GRM5: variants seen among roughly 807,000 people sequenced by gnomAD.
The protein encoded by GRM5 is metabotropic glutamate receptor 5.
Under a neutral mutation model 83.1 loss-of-function variants are expected in GRM5, and 19 were observed. The ratio of observed to expected loss-of-function variants is 0.23; its 90% confidence interval spans 0.16 to 0.34. The LOEUF is 0.34. Among genes scored for constraint, GRM5 ranks in the 10% least tolerant of loss-of-function variants. GRM5 has a pLI of 1.00. For synonymous variants in GRM5, 675 were observed against 633.6 expected (o/e 1.07, Z -0.98); for missense variants, 1,160 against 1,588.3 (o/e 0.73, Z 4.58).
chr11:88,608,375 A>G (rs1405164001), intron 4 of GRM5, among the ~76,000 whole-genome samples: 1 of 151,776 alleles, frequency 6.6e-6, no homozygotes, highest in African/African-American at 2.4e-5. Context: ...ACCTCCCCCC[A>G]CCAACACTCC....
At chr11:88,628,598 T>A (rs896686931) in intron 4 of GRM5, among the ~76,000 whole-genome samples, 18 of 152,178 alleles carry the variant, frequency 1.2e-4, no homozygotes, top group Non-Finnish European at 4.4e-5. Flanking sequence ...ATCACTATGG[T>A]AACAGATGGA....
intron 3 of GRM5, among the ~76,000 whole-genome samples, chr11:88,751,639 A>G (rs993525703): frequency 6.6e-6 from 1 of 152,190 alleles, no homozygotes; most frequent in Non-Finnish European, 1.5e-5. Flanking sequence ...AAAACCTGGC[A>G]GAGATACAAC....
intron 2 of GRM5, among the ~76,000 whole-genome samples, chr11:89,040,653 A>G (rs3889773): frequency 0.04 from 6,066 of 152,248 alleles, 413 homozygotes; most frequent in African/African-American, 0.13. Context: ...GTGATCTATG[A>G]CCATGCCACT....
At chr11:88,861,116 C>T (rs1944555032) in intron 2 of GRM5, among the ~76,000 whole-genome samples, 1 of 151,988 alleles carries the variant, frequency 6.6e-6, no homozygotes, top group South Asian at 2.1e-4. Context: ...ATATAGCTAG[C>T]ATTACATTTC....
chr11:88,826,822 A>G (rs1313138467), intron 3 of GRM5, among the ~76,000 whole-genome samples: 3 of 152,226 alleles, frequency 2.0e-5, no homozygotes, highest in Admixed American at 6.5e-5. Flanking sequence ...TTAGGAATAA[A>G]ATTTTCCCAT....
intron 2 of GRM5, among the ~76,000 whole-genome samples, chr11:88,988,479 G>A (rs1337987316): frequency 1.3e-5 from 2 of 152,122 alleles, no homozygotes; most frequent in African/African-American, 4.8e-5. Context: ...AACAAGGCAG[G>A]CCAACATTCA....
intron 3 of GRM5, among the ~76,000 whole-genome samples, chr11:88,693,295 C>G (rs1436208714): frequency 6.6e-6 from 1 of 151,994 alleles, no homozygotes; most frequent in African/African-American, 2.4e-5. Flanking sequence ...TACAATTTTC[C>G]ACTAATATAA....
intron 4 of GRM5, among the ~76,000 whole-genome samples, chr11:88,636,560 G>A (rs1939128651): frequency 6.6e-6 from 1 of 151,946 alleles, no homozygotes; most frequent in Non-Finnish European, 1.5e-5. Context: ...TTTAGTTTGT[G>A]AGTCATTTCA....
At chr11:88,681,145 C>T (rs11020937) in intron 3 of GRM5, among the ~76,000 whole-genome samples, 2,845 of 152,236 alleles carry the variant, frequency 0.019, 65 homozygotes, top group East Asian at 0.095. Context: ...TTCACCATTT[C>T]ACCCTTTCCA....
At chr11:88,595,754 C>G (rs550055012) in intron 6 of GRM5, among the ~76,000 whole-genome samples, 10 of 152,236 alleles carry the variant, frequency 6.6e-5, no homozygotes, top group African/African-American at 2.2e-4. Flanking sequence ...TTTGACCTTT[C>G]TCTTCCACTG....
At chr11:88,959,746 T>C (rs1417249052) in intron 2 of GRM5, among the ~76,000 whole-genome samples, 1 of 152,176 alleles carries the variant, frequency 6.6e-6, no homozygotes, top group Non-Finnish European at 1.5e-5. Context: ...CACAGAGCTC[T>C]GGGTTAGAAC....
At chr11:88,554,040 GC>G (rs1565336292) in intron 8 of GRM5, among the ~76,000 whole-genome samples, 2 of 152,096 alleles carry the variant, frequency 1.3e-5, no homozygotes, top group African/African-American at 4.8e-5. Flanking sequence ...AAATTTAGTG[GC>G]TTTAAAGCAA....
intron 6 of GRM5, among the ~76,000 whole-genome samples, chr11:88,591,024 C>T (rs1402580333): frequency 6.6e-6 from 1 of 152,120 alleles, no homozygotes; most frequent in African/African-American, 2.4e-5. Context: ...TGTGCTTGTG[C>T]TCATATGTAG....
chr11:88,600,452 C>T (rs969713146), intron 5 of GRM5, among the ~76,000 whole-genome samples: 1 of 151,820 alleles, frequency 6.6e-6, no homozygotes, highest in African/African-American at 2.4e-5. Flanking sequence ...CCTTCCTTCC[C>T]CTTACTCTCT....
intron 2 of GRM5, among the ~76,000 whole-genome samples, chr11:88,917,073 T>A (rs1945608268): frequency 6.6e-6 from 1 of 151,756 alleles, no homozygotes; most frequent in Non-Finnish European, 1.5e-5. Context: ...CCAAGAAGAG[T>A]CCCAGCAATG....
At chr11:88,942,182 T>G (rs589926) in intron 2 of GRM5, among the ~76,000 whole-genome samples, 147,138 of 152,070 alleles carry the variant, frequency 0.97, 71,319 homozygotes, top group Non-Finnish European at 1. Context: ...CTGTAAGTAT[T>G]CTCAGGCTGT....
At chr11:88,684,370 T>C (rs1940568418) in intron 3 of GRM5, among the ~76,000 whole-genome samples, 1 of 152,286 alleles carries the variant, frequency 6.6e-6, no homozygotes, top group South Asian at 2.1e-4. Context: ...AAAATGAAAT[T>C]AGAGGATCAA....
intron 2 of GRM5, among the ~76,000 whole-genome samples, chr11:88,916,573 G>C (rs188748718): frequency 5.8e-4 from 88 of 152,194 alleles, no homozygotes; most frequent in Non-Finnish European, 1.1e-3. Context: ...AAATAAACTA[G>C]AAAGGCTGCC....
intron 2 of GRM5, among the ~76,000 whole-genome samples, chr11:88,865,321 A>G (rs1944643316): frequency 6.6e-6 from 1 of 152,160 alleles, no homozygotes; most frequent in African/African-American, 2.4e-5. Flanking sequence ...AGGATCCCCT[A>G]TTTAATAAAT....
Sources: gnomAD v4.1 joint callset for allele counts (sites outside exome capture counted in the v4.1 genomes callset) on GRCh38, gnomAD v4.1.1 for gene constraint, MANE v1.5 for transcripts, NCBI Gene and HGNC (gene_info 2026-07-23, HGNC 2026-07-21) for gene names.